Variants in SHISA9 observed in about 807,000 individuals in gnomAD.
SHISA9 encodes shisa family member 9.
SHISA9 carries 13 observed loss-of-function variants against 38.0 expected under a neutral mutation model. The observed-to-expected ratio is 0.34, with a 90% CI of 0.22 to 0.54. The LOEUF (loss-of-function observed/expected upper bound fraction) is 0.54. Among genes scored for constraint, SHISA9 ranks in the 20% least tolerant of loss-of-function variants. The pLI is 0.91. For synonymous variants in SHISA9, 275 were observed against 242.0 expected, an observed-to-expected ratio of 1.14 and a Z score of -1.27; for missense variants, 538 against 575.8, an observed-to-expected ratio of 0.93 and a Z score of 0.67.
chr16:13,181,961 A>C (rs1477690767), intron 2 of SHISA9, among the ~76,000 whole-genome samples: 1 of 152,220 alleles, frequency 6.6e-6, no homozygotes, highest in African/African-American at 2.4e-5. Context: ...CCATGCGAGC[A>C]ATAAGTATGG....
the SHISA9 span, among the ~76,000 whole-genome samples, chr16:13,319,409 TCAAA>T: frequency 6.6e-6 from 1 of 152,182 alleles, no homozygotes; most frequent in Admixed American, 6.5e-5. Context: ...GGAAGAACTG[TCAAA>T]CAAATATATT....
the SHISA9 span, among the ~76,000 whole-genome samples, chr16:13,481,878 A>G: frequency 1.3e-5 from 2 of 152,250 alleles, no homozygotes; most frequent in Non-Finnish European, 2.9e-5. Context: ...AAGATGGTAG[A>G]TATCTCATTA....
intron 2 of SHISA9, among the ~76,000 whole-genome samples, chr16:12,934,346 A>G (rs545867778): frequency 9.6e-4 from 146 of 152,318 alleles, no homozygotes; most frequent in Admixed American, 3.8e-3. Flanking sequence ...TGGATGCTCC[A>G]TTGAACACTA....
chr16:13,222,809 TATAC>T (rs1369430096), intron 4 of SHISA9, among the ~76,000 whole-genome samples: 3 of 76,558 alleles, frequency 3.9e-5, no homozygotes, highest in Non-Finnish European at 4.7e-5. Context: ...TATATATATA[TATAC>T]ATACACACAC....
At chr16:13,332,574 T>C in the SHISA9 span, 2 of 152,112 alleles carry the variant, frequency 1.3e-5, no homozygotes, top group Non-Finnish European at 2.9e-5. Context: ...TAAAAGGATG[T>C]TTTTTCCCCA....
chr16:13,422,126 C>A, the SHISA9 span, among the ~76,000 whole-genome samples: 1 of 152,184 alleles, frequency 6.6e-6, no homozygotes, highest in Non-Finnish European at 1.5e-5. Context: ...ACACAGGTCA[C>A]CTCCAAGGAC....
the SHISA9 span, among the ~76,000 whole-genome samples, chr16:13,554,485 T>C: frequency 1.1e-5 from 1 of 87,942 alleles, no homozygotes; most frequent in Admixed American, 1.1e-4. Context: ...ATTTGTTTCC[T>C]TTTTTTTTTT....
intron 2 of SHISA9, among the ~76,000 whole-genome samples, chr16:13,034,876 A>G (rs1284078794): frequency 6.6e-6 from 1 of 152,216 alleles, no homozygotes; most frequent in Non-Finnish European, 1.5e-5. Flanking sequence ...ATCGTCCTAC[A>G]TTAGTCAACA....
the SHISA9 span, among the ~76,000 whole-genome samples, chr16:13,370,522 C>T: frequency 2.6e-5 from 4 of 152,130 alleles, no homozygotes; most frequent in Non-Finnish European, 5.9e-5. Context: ...TTAACCTGCA[C>T]CGACTTACGA....
chr16:13,077,645 C>T (rs1338952076), intron 2 of SHISA9, among the ~76,000 whole-genome samples: 1 of 152,162 alleles, frequency 6.6e-6, no homozygotes, highest in East Asian at 1.9e-4. Flanking sequence ...TCCACCTTGC[C>T]TGCATCAAAG....
chr16:13,536,891 G>C, the SHISA9 span, among the ~76,000 whole-genome samples: 1 of 152,072 alleles, frequency 6.6e-6, no homozygotes, highest in South Asian at 2.1e-4. Context: ...AGAAATGCTG[G>C]GATCCCACAC....
the SHISA9 span, among the ~76,000 whole-genome samples, chr16:13,257,626 C>T: frequency 0.21 from 32,602 of 152,108 alleles, 3,804 homozygotes; most frequent in East Asian, 0.4. Flanking sequence ...TCCACTTCTG[C>T]CAGTTTAAAT....
chr16:13,155,497 A>T (rs2050536209), intron 2 of SHISA9, among the ~76,000 whole-genome samples: 1 of 152,202 alleles, frequency 6.6e-6, no homozygotes, highest in African/African-American at 2.4e-5. Flanking sequence ...GACCCCTCTG[A>T]GGGAGATAAT....
intron 2 of SHISA9, among the ~76,000 whole-genome samples, chr16:13,166,199 CCT>C (rs2050634203): frequency 6.6e-6 from 1 of 152,118 alleles, no homozygotes; most frequent in South Asian, 2.1e-4. Context: ...TCTCCAAGTA[CCT>C]CTCTCTCAAC....
rs2071988445 is a variant in SHISA9 at position 12,967,010 on chromosome 16, C to T, written c.691+50195C>T. Among the ~76,000 whole-genome samples, 4 of 152,290 alleles carry T rather than the reference C, an allele frequency of 2.6e-5. No individual in the cohort carries two copies. The South Asian group carries it at 8.3e-4, about 32-fold the overall frequency. ...GTCCAGAAATGAATAAGACATGGTCCTGTTCTAGAACTAGGAATACCATTT... is the reference window on the plus strand; with the variant it reads ...GTCCAGAAATGAATAAGACATGGTCTTGTTCTAGAACTAGGAATACCATTT... On this transcript the variant is annotated intron_variant, in intron 2 of 4. Coordinates refer to ENST00000558583, the MANE Select transcript of SHISA9 (RefSeq NM_001145204.3).
At chr16:13,456,548 C>G in the SHISA9 span, among the ~76,000 whole-genome samples, 11,624 of 152,200 alleles carry the variant, frequency 0.076, 581 homozygotes, top group South Asian at 0.19. Flanking sequence ...GAGGTCCAGT[C>G]TTTGCCCTTG....
At chr16:13,203,338 A>G in intron 2 of SHISA9, 56 bp from the exon 3 acceptor site, 1 of 1,399,270 alleles carries the variant, frequency 7.1e-7, no homozygotes, top group Non-Finnish European at 9.3e-7. Context: ...GATGGGAGGG[A>G]AGGTAGATGG....
intron 2 of SHISA9, among the ~76,000 whole-genome samples, chr16:12,996,278 T>A (rs146001896): frequency 3.9e-5 from 6 of 152,170 alleles, no homozygotes; most frequent in African/African-American, 1.4e-4. Flanking sequence ...AAGATCCAGA[T>A]TTTTGGCTTC....
the SHISA9 span, among the ~76,000 whole-genome samples, chr16:13,327,696 G>A: frequency 1.2e-3 from 183 of 152,018 alleles, no homozygotes; most frequent in Non-Finnish European, 2.1e-3. Context: ...TTGCTTTGTT[G>A]CCCTGGCAGG....
Sources: allele counts gnomAD v4.1 joint callset (sites outside exome capture counted in the v4.1 genomes callset), GRCh38; gene constraint gnomAD v4.1.1; transcripts MANE v1.5; gene names NCBI Gene and HGNC (gene_info 2026-07-23, HGNC 2026-07-21).